Variants in KCND2 observed in about 807,000 individuals in gnomAD.
The protein encoded by KCND2 is potassium voltage-gated channel subfamily D member 2.
Under a neutral mutation model 54.4 loss-of-function variants are expected in KCND2, and 16 were observed. The observed-to-expected ratio is 0.29, with a 90% confidence interval of 0.20 to 0.45. The LOEUF (loss-of-function observed/expected upper bound fraction) is 0.45. Among genes scored for constraint, KCND2 ranks in the 20% least tolerant of loss-of-function variants. The pLI is 1.00. For missense variants in KCND2, 486 were observed against 824.2 expected, an observed-to-expected ratio of 0.59 and a Z score of 5.02; for synonymous variants, 317 against 310.7, an observed-to-expected ratio of 1.02 and a Z score of -0.21.
chr7:120,662,544 A>G (rs1204856549), intron 1 of KCND2, among the ~76,000 whole-genome samples: 1 of 152,222 alleles, frequency 6.6e-6, no homozygotes, highest in Non-Finnish European at 1.5e-5. Context: ...TGCTTTACAA[A>G]GAACATAAAA....
intron 1 of KCND2, among the ~76,000 whole-genome samples, chr7:120,297,218 A>G (rs1023767857): frequency 1.3e-5 from 2 of 152,002 alleles, no homozygotes; most frequent in Admixed American, 1.3e-4. Context: ...TGTCTGTCCA[A>G]TGAGATAGAC....
At chr7:120,539,392 T>C (rs1791951979) in intron 1 of KCND2, among the ~76,000 whole-genome samples, 1 of 152,150 alleles carries the variant, frequency 6.6e-6, no homozygotes, top group South Asian at 2.1e-4. Flanking sequence ...AGTTTGCTGA[T>C]TTCTTGCAAG....
intron 1 of KCND2, among the ~76,000 whole-genome samples, chr7:120,352,463 C>CGT (rs1800427085): frequency 2.2e-5 from 1 of 44,870 alleles, no homozygotes; most frequent in Admixed American, 2.8e-4. Flanking sequence ...CATACATACA[C>CGT]ACACACACAC....
chr7:120,735,545 C>T (rs1220183067), intron 2 of KCND2, among the ~76,000 whole-genome samples: 1 of 151,968 alleles, frequency 6.6e-6, no homozygotes, highest in Non-Finnish European at 1.5e-5. Flanking sequence ...TTGTCATCTG[C>T]AACAAAGAAA....
At chr7:120,575,064 A>G (rs141057368) in intron 1 of KCND2, among the ~76,000 whole-genome samples, 3 of 152,288 alleles carry the variant, frequency 2.0e-5, no homozygotes, top group African/African-American at 4.8e-5. Flanking sequence ...GACAAAACTG[A>G]TAAGATAGAT....
At chr7:120,459,600 G>C (rs1802253060) in intron 1 of KCND2, among the ~76,000 whole-genome samples, 1 of 152,086 alleles carries the variant, frequency 6.6e-6, no homozygotes, top group Non-Finnish European at 1.5e-5. Context: ...TGTTAGTGCT[G>C]TGTCCACATT....
chr7:120,384,232 A>G (rs111388266), intron 1 of KCND2, among the ~76,000 whole-genome samples: 197 of 152,050 alleles, frequency 1.3e-3, no homozygotes, highest in African/African-American at 4.3e-3. Context: ...TTTTCTGTCC[A>G]TAGTTGGTTG....
chr7:120,733,291 G>A (rs1792830373), intron 2 of KCND2, among the ~76,000 whole-genome samples: 1 of 152,068 alleles, frequency 6.6e-6, no homozygotes, highest in Non-Finnish European at 1.5e-5. Flanking sequence ...CCAGAGAATA[G>A]AGAGTCCATC....
chr7:120,471,546 ATTCT>A (rs1299285204), intron 1 of KCND2, among the ~76,000 whole-genome samples: 14 of 152,120 alleles, frequency 9.2e-5, no homozygotes, highest in African/African-American at 3.4e-4. Flanking sequence ...CTTGGGTAGC[ATTCT>A]AATAATGAGT....
rs1481028350 is a variant in KCND2, at chr7:120,395,811, CTGG to C, written c.1115+120065_1115+120067del. ...ATTATGTTAATGAGCTGTGAGGACA[CTGG>C]AGGTTGCTTTCCTCACAGTCTCCTG... On this transcript the variant is annotated intron_variant, in intron 1 of 5. Transcript: ENST00000331113. Among the ~76,000 whole-genome samples, 10 of 152,046 alleles carry C rather than the reference CTGG, an allele frequency of 6.6e-5. No homozygotes were observed. In the East Asian group the frequency reaches 1.7e-3, roughly 27 times the overall value.
At chr7:120,718,652 A>G (rs1007465061) in intron 1 of KCND2, among the ~76,000 whole-genome samples, 1 of 152,148 alleles carries the variant, frequency 6.6e-6, no homozygotes, top group Non-Finnish European at 1.5e-5. Flanking sequence ...AAATGGGCAT[A>G]TTAGGAACAG....
intron 1 of KCND2, among the ~76,000 whole-genome samples, chr7:120,551,480 C>T (rs1424729899): frequency 1.3e-5 from 2 of 152,116 alleles, no homozygotes; most frequent in Non-Finnish European, 2.9e-5. Flanking sequence ...TTTGAGATTG[C>T]ATTTCCACCT....
At position 120,535,893 on chromosome 7, in the gene KCND2, G is replaced by A. The variant is rs530368650; in HGVS notation, c.1116-197010G>A. Among the ~76,000 whole-genome samples the A allele has an allele frequency of 3.0e-3, 460 of 152,192 alleles. 2 individuals are homozygous for A. The highest frequency in any genetic ancestry group is 9.9e-3 in the African/African-American group (411 of 41,532). On this transcript the variant is annotated intron_variant, in intron 1 of 5. Coordinates refer to ENST00000331113, the MANE Select transcript of KCND2 (RefSeq NM_012281.3). ...ATAATGCTAGATTGTTTTCGTGTGT[G>A]TGTGTATGTGTGTTGTGGGGGTAGG...
intron 1 of KCND2, among the ~76,000 whole-genome samples, chr7:120,345,437 T>G (rs1241918786): frequency 6.6e-6 from 1 of 152,190 alleles, no homozygotes; most frequent in East Asian, 1.9e-4. Context: ...ATTTACTACC[T>G]TAACCAGTTT....
chr7:120,431,941 G>A (rs929092581), intron 1 of KCND2, among the ~76,000 whole-genome samples: 4 of 151,926 alleles, frequency 2.6e-5, no homozygotes, highest in African/African-American at 4.8e-5. Context: ...TAGGATTATC[G>A]CTTCATGCAA....
At chr7:120,476,827 A>C (rs947791752) in intron 1 of KCND2, among the ~76,000 whole-genome samples, 14 of 152,322 alleles carry the variant, frequency 9.2e-5, no homozygotes, top group African/African-American at 3.1e-4. Flanking sequence ...AATAAAAGGA[A>C]AAGAAAGAAA....
intron 1 of KCND2, among the ~76,000 whole-genome samples, chr7:120,719,369 T>C (rs1792640353): frequency 6.6e-6 from 1 of 152,194 alleles, no homozygotes; most frequent in African/African-American, 2.4e-5. Context: ...GTGAAAACGC[T>C]AATAGGCTTT....
At chr7:120,609,181 C>T (rs1227043887) in intron 1 of KCND2, among the ~76,000 whole-genome samples, 1 of 151,962 alleles carries the variant, frequency 6.6e-6, no homozygotes. Flanking sequence ...GCCTTGAGGA[C>T]TTTGCTGATG....
At chr7:120,385,039 C>G (rs957830673) in intron 1 of KCND2, among the ~76,000 whole-genome samples, 5 of 115,020 alleles carry the variant, frequency 4.3e-5, no homozygotes, top group African/African-American at 1.6e-4. Flanking sequence ...CAGGGTCTCA[C>G]TCTGTTGCCC....
Sources: allele counts gnomAD v4.1 joint callset (sites outside exome capture counted in the v4.1 genomes callset), GRCh38; gene constraint gnomAD v4.1.1; transcripts MANE v1.5; gene names NCBI Gene and HGNC (gene_info 2026-07-23, HGNC 2026-07-21).